Variants in DEAF1 observed in about 807,000 individuals in gnomAD.
The protein encoded by DEAF1 is DEAF1 transcription factor.
Under a neutral mutation model 58.9 loss-of-function variants are expected in DEAF1, and 53 were observed. The observed-to-expected ratio is 0.90, with a 90% CI of 0.72 to 1.13. The LOEUF (loss-of-function observed/expected upper bound fraction) is 1.13, where lower values mean the gene tolerates loss of function less well. Ranked by LOEUF, DEAF1 falls within the 50% of genes most tolerant of loss-of-function variation. The pLI is 0.00. For synonymous variants in DEAF1, 385 were observed against 340.4 expected, an observed-to-expected ratio of 1.13 and a Z score of -1.44; for missense variants, 685 against 791.4, an observed-to-expected ratio of 0.87 and a Z score of 1.61.
rs1453974864 is a variant in DEAF1 at position 688,141 on chromosome 11, C to G, written c.518-84G>C. On this transcript the variant is annotated intron_variant, in intron 3 of 11. Coordinates refer to ENST00000382409, the MANE Select transcript of DEAF1 (RefSeq NM_021008.4). This position sits in a 1 kb window ranked among gnomAD's most constrained non-coding sequence, Gnocchi z 4.3. The stretch of plus-strand genomic sequence containing the variant: ...CTCATCTCAGACACCACCTCCCCGG[C>G]AGCGCCACCTCCTTCAACGGCGGAA... 1.3e-6 allele frequency: 2 copies of G among 1,588,456 alleles called. No individual in the cohort carries two copies. The highest frequency in any genetic ancestry group is 1.7e-6 in the Non-Finnish European group (2 of 1,161,618).
intron 1 of DEAF1, chr11:703,123 G>T (rs780712996): frequency 1.2e-6 from 2 of 1,609,130 alleles, no homozygotes; most frequent in Non-Finnish European, 1.7e-6. Flanking sequence ...TCCTGCAGGT[G>T]GTTGCCATCG....
chr11:693,603 C>T lies in DEAF1; in HGVS notation c.289+1156G>A, dbSNP rs1253286105. ...AGGGTCTCAACACTGAGCTGTGAGT[C>T]CCTGGGGGACACTCGGGAACTCCAA... On this transcript the variant is annotated intron_variant, in intron 1 of 11. Transcript: ENST00000382409. 2.0e-5 allele frequency: 3 copies of T among 152,294 alleles called. No homozygotes were observed. In the East Asian group the frequency reaches 5.8e-4, roughly 29 times the overall value. The allele number at this position is 152,294 out of a possible 1,614,324, so 9.4% of individuals were successfully genotyped here.
At chr11:700,557 G>C in intron 1 of DEAF1, 2 of 1,343,322 alleles carry the variant, frequency 1.5e-6, no homozygotes, top group Non-Finnish European at 2.1e-6. Context: ...GGCAAGCTGA[G>C]GTGGCTGCTG....
intron 11 of DEAF1, among the ~76,000 whole-genome samples, chr11:646,999 A>G (rs984480758): frequency 6.8e-6 from 1 of 147,030 alleles, no homozygotes; most frequent in African/African-American, 2.5e-5. Flanking sequence ...AAAAAAAAAA[A>G]TGTTTTAAAA....
intron 10 of DEAF1, among the ~76,000 whole-genome samples, chr11:667,353 G>A (rs1859589393): frequency 8.3e-6 from 1 of 120,698 alleles, no homozygotes. Context: ...GGAAGGGAGG[G>A]ATGGAGGGAG....
chr11:684,839 C>G (rs577899510), intron 6 of DEAF1, 59 bp downstream of exon 6: 1 of 1,439,724 alleles, frequency 6.9e-7, no homozygotes, highest in East Asian at 2.5e-5. Flanking sequence ...GCTGTGGGAC[C>G]CACTCAGCCG....
At chr11:675,781 G>A (rs1486561540) in intron 9 of DEAF1, among the ~76,000 whole-genome samples, 1 of 152,022 alleles carries the variant, frequency 6.6e-6, no homozygotes, top group Non-Finnish European at 1.5e-5. Context: ...GATGGTGCCA[G>A]TGGACTCAAG....
intron 8 of DEAF1, 71 bp downstream of exon 8, chr11:679,617 G>C: frequency 6.3e-7 from 1 of 1,598,826 alleles, no homozygotes; most frequent in Non-Finnish European, 8.5e-7. Context: ...AGCCCAATGT[G>C]GCGTCGGGGA....
rs373325791 is a variant in DEAF1, at chr11:688,107, T to C, written c.518-50A>G. ...GTGAGAGGCCGGACACCGGGAAGCA[T>C]AGTACACTCTCATCTCAGACACCAC... On this transcript the variant is annotated intron_variant, in intron 3 of 11. Transcript: ENST00000382409. This position sits in a 1 kb window ranked among gnomAD's most constrained non-coding sequence, Gnocchi z 4.3. 342 of 1,610,976 alleles carry C rather than the reference T, an allele frequency of 2.1e-4. No homozygotes were observed. Among genetic ancestry groups the C allele is most frequent in the Non-Finnish European group, 2.7e-4 (321 of 1,178,312 alleles).
intron 11 of DEAF1, 108 bp downstream of exon 11, chr11:653,854 G>C: frequency 2.1e-6 from 2 of 948,166 alleles, no homozygotes; most frequent in Non-Finnish European, 3.4e-6. Flanking sequence ...GGGACAGGGA[G>C]GGGAGTCAGG....
chr11:678,587 A>G, intron 9 of DEAF1, 107 bp downstream of exon 9: 1 of 1,563,444 alleles, frequency 6.4e-7, no homozygotes, highest in Non-Finnish European at 8.8e-7. Flanking sequence ...GCATCAACAA[A>G]AACAACAAAC....
intron 5 of DEAF1, 145 bp downstream of exon 5, chr11:686,713 C>G: frequency 9.3e-7 from 1 of 1,069,796 alleles, no homozygotes; most frequent in Non-Finnish European, 1.4e-6. Flanking sequence ...GTAAATCACT[C>G]GCCCAAGGCC....
Position 679,707 on chromosome 11 carries a change from G to A in DEAF1, c.1107C>T (p.Asp369=), listed in dbSNP as rs987608594. ...GCTCACCTGTGGCCCCTGCGAAGAC[G>A]TCGCCCTGGGCCGGACTCTCTGATA... ...AVISESPAQG[D]VFAGATVQEA... is the part of the protein sequence containing the mutation. Residue 369 remains aspartate, a synonymous_variant, in exon 8 of 12, where the codon GAC becomes GAT. Coordinates refer to ENST00000382409, the MANE Select transcript of DEAF1 (RefSeq NM_021008.4). 11 of 1,612,812 alleles carry A rather than the reference G, an allele frequency of 6.8e-6. No homozygotes were observed. Among genetic ancestry groups the A allele is most frequent in the Non-Finnish European group, 8.5e-6 (10 of 1,180,052 alleles).
chr11:688,257 T>C lies in DEAF1; in HGVS notation c.517+74A>G. 11 of 1,576,032 alleles carry C rather than the reference T, an allele frequency of 7.0e-6. No individual in the cohort carries two copies. The highest frequency in any genetic ancestry group is 9.5e-6 in the Non-Finnish European group (11 of 1,159,944). ...TTTACCACAAAAAGAAACAAGTAAA[T>C]AAATCCCTGAAATAAATTCTAGCTA... On this transcript the variant is annotated intron_variant, in intron 3 of 11. Transcript: ENST00000382409. This position sits in a 1 kb window ranked among gnomAD's most constrained non-coding sequence, Gnocchi z 4.3.
At chr11:670,318 G>A (rs1859754276) in intron 10 of DEAF1, among the ~76,000 whole-genome samples, 1 of 151,962 alleles carries the variant, frequency 6.6e-6, no homozygotes, top group Non-Finnish European at 1.5e-5. Flanking sequence ...ATCTTTGGGT[G>A]CAGGGTTATA....
intron 5 of DEAF1, 49 bp from the exon 6 acceptor site, chr11:685,012 G>A: frequency 4.3e-6 from 6 of 1,409,914 alleles, no homozygotes; most frequent in South Asian, 1.2e-5. Flanking sequence ...GCCCCTAAAT[G>A]TCAATCATTC....
At chr11:667,115 G>A (rs1212277670) in intron 10 of DEAF1, among the ~76,000 whole-genome samples, 3 of 151,872 alleles carry the variant, frequency 2.0e-5, no homozygotes, top group Non-Finnish European at 4.4e-5. Context: ...TAAGAGGATC[G>A]CTTGAGCCAA....
intron 11 of DEAF1, among the ~76,000 whole-genome samples, chr11:649,015 C>T (rs138548925): frequency 0.016 from 2,364 of 152,272 alleles, 65 homozygotes; most frequent in African/African-American, 0.054. Flanking sequence ...CTTTGGGAGG[C>T]CAAGGTGGGA....
At position 688,477 on chromosome 11, in the gene DEAF1, C is replaced by G. The variant is rs2133408412; in HGVS notation, c.388-17G>C. 2 of 1,613,470 alleles carry G rather than the reference C, an allele frequency of 1.2e-6. No homozygotes were observed. The highest frequency in any genetic ancestry group is 3.3e-5 in the Admixed American group (2 of 60,018). The stretch of plus-strand genomic sequence containing the variant: ...CCTACCAGACTAGAAGGAAAAACCG[C>G]TCCGTCAGGTCACGTCCGAGAGTGA... On this transcript the variant is annotated splice_polypyrimidine_tract_variant and intron_variant, in intron 2 of 11. Transcript: ENST00000382409. The surrounding 1 kb of genome is among the most constrained non-coding windows in gnomAD (Gnocchi z 4.3).
Sources: gnomAD v4.1 joint callset for allele counts (sites outside exome capture counted in the v4.1 genomes callset) on GRCh38, gnomAD v4.1.1 for gene constraint, Gnocchi (gnomAD v3.1) non-coding constraint, MANE v1.5 for transcripts, NCBI Gene and HGNC (gene_info 2026-07-23, HGNC 2026-07-21) for gene names.